The following CDH13 variants were observed in gnomAD, a reference collection of about 807,000 sequenced individuals.
CDH13 encodes the protein cadherin 13.
CDH13 carries 24 observed loss-of-function variants against 63.8 expected under a neutral mutation model. The ratio of observed to expected loss-of-function variants is 0.38; its 90% CI spans 0.27 to 0.53. The LOEUF (loss-of-function observed/expected upper bound fraction) is 0.53, where lower values mean the gene tolerates loss of function less well. Among genes scored for constraint, CDH13 ranks in the 20% least tolerant of loss-of-function variants. The probability of loss-of-function intolerance (pLI) is 0.85; values close to 1 mark genes in which losing one functional copy is unlikely to be tolerated. For synonymous variants in CDH13, 503 were observed against 355.3 expected, an observed-to-expected ratio of 1.42 and a Z score of -4.67; for missense variants, 1,049 against 903.1, an observed-to-expected ratio of 1.16 and a Z score of -2.07.
At chr16:82,916,761 T>C (rs989999773) in intron 2 of CDH13, among the ~76,000 whole-genome samples, 7 of 152,206 alleles carry the variant, frequency 4.6e-5, no homozygotes, top group African/African-American at 1.7e-4. Context: ...TTGTAGTTTA[T>C]CTTAATTTTA....
Position 83,781,927 on chromosome 16 carries a change from A to G in CDH13, c.1916-1327A>G, listed in dbSNP as rs1186052216. Among the ~76,000 whole-genome samples the G allele has an allele frequency of 4.6e-5, 7 of 151,696 alleles. No homozygotes were observed. In the East Asian group the frequency reaches 1.4e-3, roughly 29 times the overall value. Reference sequence around the variant, plus strand: ...CCTGCTCATGTACCCCGGAACTTCAATTAAAAAAAAAAAGAAGAAAAAAAA... The same window carrying G: ...CCTGCTCATGTACCCCGGAACTTCAGTTAAAAAAAAAAAGAAGAAAAAAAA... On this transcript the variant is annotated intron_variant, in intron 12 of 13. Coordinates refer to ENST00000567109, the MANE Select transcript of CDH13 (RefSeq NM_001257.5).
intron 6 of CDH13, among the ~76,000 whole-genome samples, chr16:83,381,074 A>G (rs2091558024): frequency 6.6e-6 from 1 of 152,140 alleles, no homozygotes; most frequent in African/African-American, 2.4e-5. Flanking sequence ...TTCTGCAATT[A>G]TTGCTTTCTT....
intron 6 of CDH13, among the ~76,000 whole-genome samples, chr16:83,456,817 C>T (rs910299068): frequency 2.0e-5 from 3 of 152,136 alleles, no homozygotes; most frequent in South Asian, 2.1e-4. Flanking sequence ...CAAAAATTAG[C>T]CAGGCATGGT....
chr16:83,232,227 TAA>T (rs1555516432), intron 5 of CDH13, among the ~76,000 whole-genome samples: 2 of 67,636 alleles, frequency 3.0e-5, no homozygotes, highest in African/African-American at 1.1e-4. Context: ...TTTTTTTTTT[TAA>T]AAAAAAAAAA....
intron 12 of CDH13, among the ~76,000 whole-genome samples, chr16:83,781,000 C>T (rs8044311): frequency 0.024 from 3,681 of 152,246 alleles, 109 homozygotes; most frequent in African/African-American, 0.074. Context: ...TTCCATAGTA[C>T]GCTGCAGACC....
chr16:82,804,307 A>ACACACG (rs879396120), intron 1 of CDH13, among the ~76,000 whole-genome samples: 7 of 148,232 alleles, frequency 4.7e-5, no homozygotes, highest in African/African-American at 1.5e-4. Context: ...ACACACACAC[A>ACACACG]CACACGCACA....
At chr16:83,423,235 A>G (rs1321984202) in intron 6 of CDH13, among the ~76,000 whole-genome samples, 1 of 152,208 alleles carries the variant, frequency 6.6e-6, no homozygotes, top group Non-Finnish European at 1.5e-5. Context: ...CCTCTAAAGT[A>G]TTTCAGGCAT....
At chr16:83,696,402 C>G (rs1905411118) in intron 10 of CDH13, among the ~76,000 whole-genome samples, 1 of 151,976 alleles carries the variant, frequency 6.6e-6, no homozygotes, top group Non-Finnish European at 1.5e-5. Context: ...TCTGGGGCTT[C>G]TTTTGAAATC....
At chr16:83,269,718 C>G (rs921625781) in intron 5 of CDH13, among the ~76,000 whole-genome samples, 1 of 152,194 alleles carries the variant, frequency 6.6e-6, no homozygotes, top group Non-Finnish European at 1.5e-5. Context: ...TGACATCATC[C>G]TCTTTGACCT....
At chr16:82,766,962 G>T (rs879317016) in intron 1 of CDH13, among the ~76,000 whole-genome samples, 1 of 151,926 alleles carries the variant, frequency 6.6e-6, no homozygotes, top group Admixed American at 6.6e-5. Flanking sequence ...AGATTCTACC[G>T]TTACCATTTA....
intron 7 of CDH13, among the ~76,000 whole-genome samples, chr16:83,535,478 G>A (rs1290053607): frequency 6.6e-6 from 1 of 152,204 alleles, no homozygotes; most frequent in Non-Finnish European, 1.5e-5. Context: ...CCAAGGCAAA[G>A]GTTAGTGTGT....
chr16:83,080,789 T>C (rs1008951377), intron 3 of CDH13, among the ~76,000 whole-genome samples: 2 of 151,702 alleles, frequency 1.3e-5, no homozygotes, highest in African/African-American at 4.9e-5. Flanking sequence ...AGTATGGGAA[T>C]CTTGGCAGAA....
chr16:83,334,568 G>T (rs772853779), intron 5 of CDH13, among the ~76,000 whole-genome samples: 48 of 151,316 alleles, frequency 3.2e-4, no homozygotes, highest in Non-Finnish European at 5.9e-4. Flanking sequence ...AGAGATGGCA[G>T]TCTCTCTACA....
At chr16:83,404,548 A>G (rs1401146443) in intron 6 of CDH13, among the ~76,000 whole-genome samples, 1 of 152,232 alleles carries the variant, frequency 6.6e-6, no homozygotes, top group Non-Finnish European at 1.5e-5. Context: ...TGCTGTATTG[A>G]ATGTATCCTT....
chr16:82,775,871 C>G (rs1444623237), intron 1 of CDH13, among the ~76,000 whole-genome samples: 1 of 152,058 alleles, frequency 6.6e-6, no homozygotes, highest in Non-Finnish European at 1.5e-5. Flanking sequence ...ATACTGATGG[C>G]TCTTTTTTTG....
intron 3 of CDH13, among the ~76,000 whole-genome samples, chr16:83,058,578 G>A (rs1449970577): frequency 6.6e-6 from 1 of 152,080 alleles, no homozygotes; most frequent in Non-Finnish European, 1.5e-5. Flanking sequence ...TGGACTTTAG[G>A]GGCCAATCTC....
At chr16:83,505,054 C>G (rs1241736535) in intron 7 of CDH13, among the ~76,000 whole-genome samples, 2 of 152,124 alleles carry the variant, frequency 1.3e-5, no homozygotes, top group African/African-American at 4.8e-5. Flanking sequence ...CCAGCTGTGG[C>G]ACCACCTCTG....
chr16:82,748,238 C>T (rs963795879), intron 1 of CDH13, among the ~76,000 whole-genome samples: 1 of 152,152 alleles, frequency 6.6e-6, no homozygotes. Context: ...GATCCACAAA[C>T]CCCACAGGAA....
In CDH13 at chr16:83,492,567, T is replaced by A. The variant is rs111662420; in HGVS notation, c.960+5912T>A. Among the ~76,000 whole-genome samples, 1,262 of 152,356 alleles carry A rather than the reference T, an allele frequency of 8.3e-3. 10 individuals carry two copies. The highest frequency in any genetic ancestry group is 0.028 in the African/African-American group (1,168 of 41,590). On this transcript the variant is annotated intron_variant, in intron 7 of 13. Coordinates refer to ENST00000567109, the MANE Select transcript of CDH13 (RefSeq NM_001257.5). ...ATGTAAATAAATTGCCTTATTATTTTTAAAATAATGCATTATCCTTTCAAA... is the reference window on the plus strand; with the variant it reads ...ATGTAAATAAATTGCCTTATTATTTATAAAATAATGCATTATCCTTTCAAA...
Sources: allele counts gnomAD v4.1 joint callset (sites outside exome capture counted in the v4.1 genomes callset), GRCh38; gene constraint gnomAD v4.1.1; transcripts MANE v1.5; gene names NCBI Gene and HGNC (gene_info 2026-07-23, HGNC 2026-07-21).